The following IL23R variants were observed in gnomAD, a reference collection of about 807,000 sequenced individuals.
IL23R encodes interleukin-23 receptor.
In IL23R, 34 loss-of-function variants were observed where a neutral mutation model predicts 56.9. The ratio of observed to expected loss-of-function variants is 0.60; its 90% CI spans 0.45 to 0.80. IL23R has a LOEUF of 0.80. Among genes scored for constraint, IL23R ranks in the 30% least tolerant of loss-of-function variants. The probability of loss-of-function intolerance (pLI) is 0.00; values close to 1 mark genes in which losing one functional copy is unlikely to be tolerated. For synonymous variants in IL23R, 230 were observed against 249.2 expected, an observed-to-expected ratio of 0.92 and a Z score of 0.73; for missense variants, 635 against 730.0, an observed-to-expected ratio of 0.87 and a Z score of 1.50.
downstream of IL23R, among the ~76,000 whole-genome samples, chr1:67,262,674 G>A (rs1653229390): frequency 2.6e-5 from 4 of 152,240 alleles, no homozygotes; most frequent in South Asian, 8.3e-4. Flanking sequence ...GAGGACAAGT[G>A]CATACCTATT....
At chr1:67,196,662 A>G (rs1446183318) in intron 4 of IL23R, among the ~76,000 whole-genome samples, 2 of 152,238 alleles carry the variant, frequency 1.3e-5, no homozygotes, top group African/African-American at 4.8e-5. Flanking sequence ...ATGTAATGCA[A>G]TTAACTTAGG....
intron 5 of IL23R, 43 bp downstream of exon 5, chr1:67,200,940 T>A: frequency 1.3e-6 from 2 of 1,593,586 alleles, no homozygotes; most frequent in Non-Finnish European, 1.7e-6. Context: ...AATAACCAGT[T>A]TGTGCTGACC....
chr1:67,207,723 C>T (rs1179509442), intron 6 of IL23R: 12 of 269,846 alleles, frequency 4.4e-5, no homozygotes, highest in Middle Eastern at 2.7e-3. Context: ...ACCTCTTTTT[C>T]TTCCTAGTCT....
At chr1:67,234,074 T>C (rs1651296793) in intron 7 of IL23R, among the ~76,000 whole-genome samples, 1 of 152,206 alleles carries the variant, frequency 6.6e-6, no homozygotes, top group East Asian at 1.9e-4. Context: ...GGGATGGTTC[T>C]TTTTTTCTCC....
chr1:67,180,780 T>G (rs7534674), intron 3 of IL23R, among the ~76,000 whole-genome samples: 135,810 of 152,072 alleles, frequency 0.89, 60,727 homozygotes, highest in East Asian at 1. Flanking sequence ...TCCATGTTTA[T>G]TGCTTCCTTC....
chr1:67,212,084 AG>A (rs1570858435), intron 6 of IL23R, among the ~76,000 whole-genome samples: 1 of 72,660 alleles, frequency 1.4e-5, no homozygotes, highest in East Asian at 7.7e-4. Context: ...ATGAAAAGAC[AG>A]GTTTCAATCC....
upstream of IL23R, among the ~76,000 whole-genome samples, chr1:67,161,705 G>A (rs188111267): frequency 6.8e-4 from 104 of 151,948 alleles, no homozygotes; most frequent in Middle Eastern, 6.8e-3. Context: ...TCGGCTCACT[G>A]CAAACTCCGA....
chr1:67,258,762 A>G lies in IL23R; in HGVS notation c.1524A>G (p.Thr508=), dbSNP rs2100397935. 1 of 1,611,536 alleles carries G rather than the reference A, an allele frequency of 6.2e-7. No homozygotes were observed. Among genetic ancestry groups the G allele is most frequent in the Non-Finnish European group, 8.5e-7 (1 of 1,178,210 alleles). The change falls in exon 11 of 11, where the codon ACA becomes ACG. Residue 508 remains threonine (T), a synonymous_variant. Coordinates refer to ENST00000347310, the MANE Select transcript of IL23R (RefSeq NM_144701.3). ...LSNNNEITSL[T]LKPPVDSLDS... ...ATAATAATGAAATTACTTCCTTAAC[A>G]CTTAAACCACCAGTTGATTCCTTAG...
At chr1:67,257,581 C>T (rs189965333) in intron 10 of IL23R, among the ~76,000 whole-genome samples, 1 of 152,254 alleles carries the variant, frequency 6.6e-6, no homozygotes. Context: ...CCCAGGAAGG[C>T]CAGCCATCTG....
chr1:67,178,912 A>T (rs914057777), intron 3 of IL23R, among the ~76,000 whole-genome samples: 1 of 152,144 alleles, frequency 6.6e-6, no homozygotes, highest in Non-Finnish European at 1.5e-5. Context: ...GATATGCTGG[A>T]TTACGTTTAT....
At chr1:67,221,763 T>G (rs1178802145) in intron 7 of IL23R, among the ~76,000 whole-genome samples, 1 of 152,218 alleles carries the variant, frequency 6.6e-6, no homozygotes, top group Non-Finnish European at 1.5e-5. Flanking sequence ...TGTTTTATGT[T>G]TTCAAGGCAC....
chr1:67,168,019 G>C, intron 1 of IL23R, 73 bp from the exon 2 acceptor site: 1 of 844,110 alleles, frequency 1.2e-6, no homozygotes, highest in Non-Finnish European at 2.0e-6. Context: ...ATAATTCTTA[G>C]GGAAAAATGT....
intron 5 of IL23R, among the ~76,000 whole-genome samples, chr1:67,201,962 T>C (rs757125012): frequency 3.3e-4 from 50 of 152,230 alleles, no homozygotes; most frequent in Non-Finnish European, 4.6e-4. Flanking sequence ...TATATTGCCA[T>C]GAACAACTTT....
chr1:67,212,862 G>A (rs1341740942), intron 6 of IL23R, among the ~76,000 whole-genome samples: 2 of 151,768 alleles, frequency 1.3e-5, no homozygotes, highest in Non-Finnish European at 2.9e-5. Flanking sequence ...GCTAAGTCAT[G>A]CAATCTTTCT....
chr1:67,160,903 T>A (rs538868704), intron 1 of IL23R, among the ~76,000 whole-genome samples: 3 of 152,346 alleles, frequency 2.0e-5, no homozygotes, highest in Non-Finnish European at 4.4e-5. Context: ...TAGGACATTA[T>A]GAAAGACTTC....
At position 67,226,702 on chromosome 1, in the gene IL23R, A is replaced by C. The variant is rs1650643258; in HGVS notation, c.955+6972A>C. Among the ~76,000 whole-genome samples the C allele has an allele frequency of 2.0e-5, 3 of 152,176 alleles. No homozygotes were observed. In the South Asian group the frequency reaches 6.2e-4, roughly 31 times the overall value. On this transcript the variant is annotated intron_variant, in intron 7 of 10. Coordinates refer to ENST00000347310, the MANE Select transcript of IL23R (RefSeq NM_144701.3). ...TTAGGGCTATGGGTTTCCAAGCTTG[A>C]GGGTGGGACCTCTGCCAGGGAACCA... is the stretch of plus-strand genomic sequence containing the variant.
At chr1:67,206,866 A>G in intron 5 of IL23R, 44 bp from the exon 6 acceptor site, 1 of 1,503,466 alleles carries the variant, frequency 6.7e-7, no homozygotes, top group East Asian at 2.5e-5. Context: ...TCCCTAGGCA[A>G]GTTTTAAACA....
intron 9 of IL23R, among the ~76,000 whole-genome samples, chr1:67,254,491 T>C (rs1652833046): frequency 6.6e-6 from 1 of 152,002 alleles, no homozygotes; most frequent in South Asian, 2.1e-4. Context: ...ATTTACTAAT[T>C]TGGTCTAATT....
At chr1:67,241,501 C>T (rs533602694) in intron 9 of IL23R, among the ~76,000 whole-genome samples, 1 of 152,100 alleles carries the variant, frequency 6.6e-6, no homozygotes, top group Non-Finnish European at 1.5e-5. Flanking sequence ...AAAAAAAATC[C>T]CCCTTTTTGG....
Sources: gnomAD v4.1 joint callset for allele counts (sites outside exome capture counted in the v4.1 genomes callset) on GRCh38, gnomAD v4.1.1 for gene constraint, MANE v1.5 for transcripts, NCBI Gene and HGNC (gene_info 2026-07-23, HGNC 2026-07-21) for gene names.